ASB3: variants seen among roughly 807,000 people sequenced by gnomAD.
ASB3 encodes the protein ankyrin repeat and SOCS box containing 3, also known as ankyrin repeat and SOCS box protein 3.
A neutral mutation model predicts 54.5 loss-of-function variants in ASB3; 41 were observed. That is an observed-to-expected ratio of 0.75 (90% CI 0.59 to 0.98). The LOEUF is 0.98. Among genes scored for constraint, ASB3 ranks in the 50% least tolerant of loss-of-function variants. ASB3 has a pLI of 0.00. For synonymous variants in ASB3, 266 were observed against 221.2 expected, an observed-to-expected ratio of 1.20 and a Z score of -1.80; for missense variants, 733 against 620.0, an observed-to-expected ratio of 1.18 and a Z score of -1.94.
At chr2:53,687,879 G>C (rs917655094) in intron 9 of ASB3, among the ~76,000 whole-genome samples, 5 of 152,270 alleles carry the variant, frequency 3.3e-5, no homozygotes, top group African/African-American at 1.2e-4. Context: ...ACAATGGCAT[G>C]AACACGGCTC....
Position 53,707,688 on chromosome 2 carries a change from C to T in ASB3, c.980+6696G>A, listed in dbSNP as rs1669861612. 2.8e-5 allele frequency among the ~76,000 whole-genome samples: 4 copies of T among 141,592 alleles called. No individual in the cohort carries two copies. The Admixed American group carries it at 2.8e-4, about 10-fold the overall frequency. 92.9% of individuals were successfully genotyped at this position (141,592 alleles called of 152,430 possible). On this transcript the variant is annotated intron_variant, in intron 7 of 9. Transcript: ENST00000263634. ...AAAGAAATGCAGAGTATGCCGGGCA[C>T]AGTGGCTCACGCCTGTAATCCCAAC...
intron 9 of ASB3, among the ~76,000 whole-genome samples, chr2:53,684,797 A>G (rs1250884358): frequency 6.6e-6 from 1 of 152,232 alleles, no homozygotes; most frequent in African/African-American, 2.4e-5. Context: ...AGGTGTTAGG[A>G]AACCTAATGA....
At chr2:53,780,043 CAG>C (rs953998619) in intron 1 of ASB3, among the ~76,000 whole-genome samples, 9 of 152,166 alleles carry the variant, frequency 5.9e-5, no homozygotes, top group Non-Finnish European at 1.3e-4. Context: ...CATCAAGAGC[CAG>C]AGTTTCTTAC....
At chr2:53,710,427 A>AT (rs1670030758) in intron 7 of ASB3, among the ~76,000 whole-genome samples, 1 of 152,208 alleles carries the variant, frequency 6.6e-6, no homozygotes, top group Non-Finnish European at 1.5e-5. Flanking sequence ...AAGCACCATT[A>AT]TAAGAGCTGC....
At chr2:53,729,688 C>G (rs1558544414) in intron 3 of ASB3, 118 bp from the exon 4 acceptor site, 1 of 778,020 alleles carries the variant, frequency 1.3e-6, no homozygotes, top group East Asian at 2.6e-5. Flanking sequence ...CTGATTATTC[C>G]TAAACAGTTA....
At chr2:53,747,996 GACA>G (rs1296677685) in intron 3 of ASB3, among the ~76,000 whole-genome samples, 1 of 152,156 alleles carries the variant, frequency 6.6e-6, no homozygotes, top group African/African-American at 2.4e-5. Flanking sequence ...CCAAAACACA[GACA>G]ACAGCAAGAT....
At chr2:53,687,668 C>T (rs1005307240) in intron 9 of ASB3, among the ~76,000 whole-genome samples, 1 of 152,236 alleles carries the variant, frequency 6.6e-6, no homozygotes, top group African/African-American at 2.4e-5. Context: ...TCCCACCAAA[C>T]TTAGTTTATT....
rs193151881 is a variant in ASB3, at chr2:53,769,946, T to C, written c.-13-4361A>G. On this transcript the variant is annotated intron_variant, in intron 1 of 9. Transcript: ENST00000263634. ...TTAGCCCATATCTTAGCTCTATTTATTTCACATGTTAGTTTGCATTCTAGA... is the reference window on the plus strand; with the variant it reads ...TTAGCCCATATCTTAGCTCTATTTACTTCACATGTTAGTTTGCATTCTAGA... Among the ~76,000 whole-genome samples, 522 of 152,372 alleles carry C rather than the reference T, an allele frequency of 3.4e-3. 3 individuals are homozygous for C. Among genetic ancestry groups the C allele is most frequent in the Non-Finnish European group, 5.0e-3 (339 of 68,036 alleles).
chr2:53,736,533 C>T (rs1054655309), intron 3 of ASB3, among the ~76,000 whole-genome samples: 4 of 151,838 alleles, frequency 2.6e-5, no homozygotes, highest in African/African-American at 9.7e-5. Flanking sequence ...CCTGTCTCTA[C>T]TAAAAATACA....
chr2:53,755,739 G>C (rs1672777131), intron 2 of ASB3, among the ~76,000 whole-genome samples: 1 of 152,204 alleles, frequency 6.6e-6, no homozygotes, highest in Non-Finnish European at 1.5e-5. Flanking sequence ...TCAGTGAAGA[G>C]GAAGAGGTTG....
intron 3 of ASB3, among the ~76,000 whole-genome samples, chr2:53,747,868 T>C (rs1029749059): frequency 2.6e-5 from 4 of 152,208 alleles, no homozygotes; most frequent in South Asian, 2.1e-4. Context: ...ACATATGTAA[T>C]GTCTTCATGT....
chr2:53,758,654 G>A (rs769122159), intron 2 of ASB3, among the ~76,000 whole-genome samples: 1 of 152,152 alleles, frequency 6.6e-6, no homozygotes, highest in Non-Finnish European at 1.5e-5. Flanking sequence ...GGGAAAAGGG[G>A]TGCAGGACTG....
chr2:53,680,144 C>T (rs980497980), intron 9 of ASB3, among the ~76,000 whole-genome samples: 2 of 152,160 alleles, frequency 1.3e-5, no homozygotes, highest in Admixed American at 6.5e-5. Context: ...CACTCTACCA[C>T]TGATGGGCAT....
intron 9 of ASB3, among the ~76,000 whole-genome samples, chr2:53,682,159 C>CAAA (rs773098555): frequency 8.3e-4 from 64 of 77,076 alleles, no homozygotes; most frequent in African/African-American, 3.2e-3. Flanking sequence ...GACTCCGTCT[C>CAAA]AAAAAAAAAA....
At chr2:53,675,544 G>A (rs1668040023) in intron 9 of ASB3, among the ~76,000 whole-genome samples, 1 of 152,106 alleles carries the variant, frequency 6.6e-6, no homozygotes. Flanking sequence ...CTGAAATAAG[G>A]TCTAAATGGG....
chr2:53,775,622 T>C (rs1674285742), intron 1 of ASB3, among the ~76,000 whole-genome samples: 1 of 152,164 alleles, frequency 6.6e-6, no homozygotes, highest in African/African-American at 2.4e-5. Context: ...ATTACAGGCA[T>C]GTGCCACCAC....
intron 5 of ASB3, among the ~76,000 whole-genome samples, chr2:53,726,088 A>G (rs1670976158): frequency 6.6e-6 from 1 of 152,176 alleles, no homozygotes; most frequent in Non-Finnish European, 1.5e-5. Flanking sequence ...GTATAGTTAC[A>G]TGATAAACAT....
At chr2:53,721,199 T>C (rs1417187436) in intron 5 of ASB3, among the ~76,000 whole-genome samples, 2 of 150,532 alleles carry the variant, frequency 1.3e-5, no homozygotes, top group South Asian at 4.2e-4. Context: ...CAGACCACAG[T>C]AGAATAAAAA....
At chr2:53,729,857 T>C (rs1671203620) in intron 3 of ASB3, among the ~76,000 whole-genome samples, 4 of 152,228 alleles carry the variant, frequency 2.6e-5, no homozygotes, top group Admixed American at 6.5e-5. Context: ...CTCTAGTTTG[T>C]TAAAATGAAA....
Sources: gnomAD v4.1 joint callset for allele counts (sites outside exome capture counted in the v4.1 genomes callset) on GRCh38, gnomAD v4.1.1 for gene constraint, MANE v1.5 for transcripts, NCBI Gene and HGNC (gene_info 2026-07-23, HGNC 2026-07-21) for gene names.